The following EPB41L4A variants were observed in gnomAD, a reference collection of about 807,000 sequenced individuals.
EPB41L4A encodes erythrocyte membrane protein band 4.1 like 4A.
Under a neutral mutation model 108.6 loss-of-function variants are expected in EPB41L4A, and 100 were observed. That is an observed-to-expected ratio of 0.92 (90% CI 0.78 to 1.09). The LOEUF is 1.09. Among genes scored for constraint, EPB41L4A ranks in the 50% least tolerant of loss-of-function variants. The probability of loss-of-function intolerance (pLI) is 0.00; values close to 1 mark genes in which losing one functional copy is unlikely to be tolerated. For missense variants in EPB41L4A, 1,030 were observed against 842.7 expected (o/e 1.22, Z -2.75); for synonymous variants, 319 against 289.0 (o/e 1.10, Z -1.05).
chr5:112,391,879 G>C (rs10478086), intron 1 of EPB41L4A, among the ~76,000 whole-genome samples: 6,975 of 152,182 alleles, frequency 0.046, 490 homozygotes, highest in African/African-American at 0.15. Context: ...CAGATCTCTC[G>C]GCAGAAACTC....
At chr5:112,401,013 A>T (rs1291102762) in intron 1 of EPB41L4A, among the ~76,000 whole-genome samples, 1 of 152,218 alleles carries the variant, frequency 6.6e-6, no homozygotes, top group Non-Finnish European at 1.5e-5. Flanking sequence ...AAAATGAGTC[A>T]TTAAAAAATC....
chr5:112,323,359 AC>A, intron 1 of EPB41L4A, among the ~76,000 whole-genome samples: 1 of 152,170 alleles, frequency 6.6e-6, no homozygotes, highest in African/African-American at 2.4e-5. Flanking sequence ...TAAACTGAGA[AC>A]CCAAATTATC....
chr5:112,337,630 T>A (rs184966835), intron 1 of EPB41L4A, among the ~76,000 whole-genome samples: 1 of 152,246 alleles, frequency 6.6e-6, no homozygotes, highest in East Asian at 1.9e-4. Flanking sequence ...GAGTTCATAT[T>A]CCCTGCTACA....
Position 112,346,216 on chromosome 5 carries a change from ATTTTTTT to A in EPB41L4A, c.100-38733_100-38727del, listed in dbSNP as rs561328868. 5.6e-3 allele frequency among the ~76,000 whole-genome samples: 375 copies of A among 67,360 alleles called. 2 individuals are homozygous for A. The highest frequency in any genetic ancestry group is 7.2e-3 in the Non-Finnish European group (234 of 32,344). 44.2% of individuals were successfully genotyped at this position (67,360 alleles called of 152,430 possible). On this transcript the variant is annotated intron_variant, in intron 1 of 22. Coordinates refer to ENST00000261486, the MANE Select transcript of EPB41L4A (RefSeq NM_022140.5). ...AATTCTTTAAAGTTAGGTACATTGC[ATTTTTTT>A]TTTTTTTTTTTTTTTTTTTTGAGAA...
chr5:112,165,077 A>C lies in EPB41L4A; in HGVS notation c.1974T>G (p.Pro658=). 1 of 1,612,056 alleles carries C rather than the reference A, an allele frequency of 6.2e-7. No homozygotes were observed. The highest frequency in any genetic ancestry group is 2.2e-5 in the East Asian group (1 of 44,738). Residue 658 remains proline, a synonymous_variant, in exon 23 of 23, where the codon CCT becomes CCG. Coordinates refer to ENST00000261486, the MANE Select transcript of EPB41L4A (RefSeq NM_022140.5). ...GSKDSLMEEK[P]QTSTNNLAGK... The stretch of plus-strand genomic sequence containing the variant: ...CAGCCAGGTTGTTTGTAGATGTCTG[A>C]GGTTTTTCTTCCATCAGGCTATCTT...
At chr5:112,252,846 G>T (rs6879361) in intron 9 of EPB41L4A, among the ~76,000 whole-genome samples, 6,457 of 103,106 alleles carry the variant, frequency 0.063, 441 homozygotes, top group East Asian at 0.32. Context: ...AATAAAAGTT[G>T]AAAGTATTAA....
At chr5:112,336,475 G>T (rs1165411340) in intron 1 of EPB41L4A, among the ~76,000 whole-genome samples, 1 of 152,116 alleles carries the variant, frequency 6.6e-6, no homozygotes, top group Non-Finnish European at 1.5e-5. Context: ...CCTTTAAAAG[G>T]CTTCAAAGTG....
intron 2 of EPB41L4A, among the ~76,000 whole-genome samples, chr5:112,299,982 T>C (rs568648117): frequency 1.8e-3 from 277 of 152,318 alleles, no homozygotes; most frequent in Non-Finnish European, 3.3e-3. Flanking sequence ...GTTTTTGGTG[T>C]CTATTTGCAT....
At chr5:112,409,234 G>C (rs913126362) in intron 1 of EPB41L4A, among the ~76,000 whole-genome samples, 1 of 152,142 alleles carries the variant, frequency 6.6e-6, no homozygotes, top group Non-Finnish European at 1.5e-5. Context: ...AGTCACAAAA[G>C]ATTACATATC....
At chr5:112,204,553 C>T (rs1580427379) in intron 14 of EPB41L4A, 65 bp from the exon 15 acceptor site, 1 of 1,033,346 alleles carries the variant, frequency 9.7e-7, no homozygotes, top group Non-Finnish European at 1.5e-6. Context: ...ACACCGCAGC[C>T]CAGACCTATT....
chr5:112,282,418 T>C (rs1176242219), intron 2 of EPB41L4A, among the ~76,000 whole-genome samples: 2 of 152,248 alleles, frequency 1.3e-5, no homozygotes, highest in African/African-American at 4.8e-5. Flanking sequence ...TCATTAACAC[T>C]TGCATTCGGT....
At chr5:112,299,363 G>C (rs1754209255) in intron 2 of EPB41L4A, among the ~76,000 whole-genome samples, 1 of 152,084 alleles carries the variant, frequency 6.6e-6, no homozygotes, top group Admixed American at 6.6e-5. Context: ...CATTCAGTTT[G>C]AAGAATTTTT....
chr5:112,229,332 A>G (rs764017908), intron 12 of EPB41L4A, among the ~76,000 whole-genome samples: 5 of 152,222 alleles, frequency 3.3e-5, no homozygotes, highest in Non-Finnish European at 7.3e-5. Context: ...TAAAATATTC[A>G]TTATCTGGCC....
chr5:112,204,129 T>G (rs1238571169), intron 15 of EPB41L4A, among the ~76,000 whole-genome samples: 2 of 151,440 alleles, frequency 1.3e-5, no homozygotes, highest in Non-Finnish European at 2.9e-5. Flanking sequence ...TTTAGACACA[T>G]TATTCATAAA....
chr5:112,198,415 G>A (rs1252085109), intron 15 of EPB41L4A, among the ~76,000 whole-genome samples: 4 of 152,072 alleles, frequency 2.6e-5, no homozygotes, highest in Non-Finnish European at 5.9e-5. Context: ...CAAATCTTTA[G>A]AATTCTTTGT....
intron 1 of EPB41L4A, among the ~76,000 whole-genome samples, chr5:112,342,463 T>G (rs1738652132): frequency 6.6e-6 from 1 of 152,226 alleles, no homozygotes; most frequent in Non-Finnish European, 1.5e-5. Flanking sequence ...GGTGTGCTGG[T>G]GGCAGATTTT....
chr5:112,254,373 G>A (rs1043848639), intron 9 of EPB41L4A, among the ~76,000 whole-genome samples: 1 of 152,048 alleles, frequency 6.6e-6, no homozygotes, highest in African/African-American at 2.4e-5. Context: ...GTCCCCTCTT[G>A]TCTCCCCTTG....
At chr5:112,185,633 C>G (rs983808461) in intron 17 of EPB41L4A, among the ~76,000 whole-genome samples, 2 of 152,144 alleles carry the variant, frequency 1.3e-5, no homozygotes, top group African/African-American at 4.8e-5. Flanking sequence ...TAACAGGATA[C>G]TGTCAAGGTA....
chr5:112,224,742 G>C (rs1748336943), intron 12 of EPB41L4A, among the ~76,000 whole-genome samples: 1 of 152,182 alleles, frequency 6.6e-6, no homozygotes, highest in African/African-American at 2.4e-5. Context: ...CCTCAGAGCA[G>C]AGGTTCTTAC....
Sources: gnomAD v4.1 joint callset for allele counts (sites outside exome capture counted in the v4.1 genomes callset) on GRCh38, gnomAD v4.1.1 for gene constraint, MANE v1.5 for transcripts, NCBI Gene and HGNC (gene_info 2026-07-23, HGNC 2026-07-21) for gene names.